The following SCP2 variants were observed in gnomAD, a reference collection of about 807,000 sequenced individuals.
SCP2 encodes sterol carrier protein 2, also known as SCP-2/3-oxoacyl-CoA thiolase.
In SCP2, 48 loss-of-function variants were observed where a neutral mutation model predicts 71.4. That is an observed-to-expected ratio of 0.67 (90% CI 0.53 to 0.86). The LOEUF is 0.86. Among genes scored for constraint, SCP2 ranks in the 40% least tolerant of loss-of-function variants. The probability of loss-of-function intolerance (pLI) is 0.00; values close to 1 mark genes in which losing one functional copy is unlikely to be tolerated. For missense variants in SCP2, 560 were observed against 655.6 expected (o/e 0.85, Z 1.59); for synonymous variants, 220 against 218.1 (o/e 1.01, Z -0.08).
chr1:52,971,211 C>A (rs1013950680), intron 6 of SCP2, among the ~76,000 whole-genome samples: 1 of 152,052 alleles, frequency 6.6e-6, no homozygotes, highest in East Asian at 1.9e-4. Context: ...ATCCCGACCT[C>A]GTGATCCACC....
At chr1:52,982,657 T>C (rs1658640377) in intron 10 of SCP2, among the ~76,000 whole-genome samples, 1 of 152,220 alleles carries the variant, frequency 6.6e-6, no homozygotes, top group Non-Finnish European at 1.5e-5. Context: ...TCCTTTGAGT[T>C]AATATTGTAC....
Position 52,949,722 on chromosome 1 carries a change from C to T in SCP2, c.200-1033C>T, listed in dbSNP as rs181834791. Among the ~76,000 whole-genome samples the T allele has an allele frequency of 3.4e-3, 516 of 152,336 alleles. 2 individuals carry two copies. The highest frequency in any genetic ancestry group is 0.012 in the African/African-American group (493 of 41,576). ...AACACCTTCAAATAAGGAAGAGGAA[C>T]AGGCTATGACTTAATGCTTGCTTGG... On this transcript the variant is annotated intron_variant, in intron 3 of 15. Transcript: ENST00000371514.
chr1:53,023,652 G>A (rs903435567), intron 12 of SCP2, among the ~76,000 whole-genome samples: 3 of 152,136 alleles, frequency 2.0e-5, no homozygotes, highest in Non-Finnish European at 4.4e-5. Context: ...GGGTCTCGAA[G>A]GGAGAAATGG....
intron 2 of SCP2, among the ~76,000 whole-genome samples, chr1:52,944,592 T>C (rs1344562339): frequency 1.3e-5 from 2 of 152,186 alleles, no homozygotes; most frequent in African/African-American, 4.8e-5. Flanking sequence ...GCTTTCTCTA[T>C]ATTTTTTGAC....
At chr1:53,016,323 C>T (rs186576734) in intron 12 of SCP2, among the ~76,000 whole-genome samples, 3 of 152,212 alleles carry the variant, frequency 2.0e-5, no homozygotes, top group East Asian at 1.9e-4. Context: ...GCACTGTATC[C>T]GGTTTTTAAT....
chr1:53,026,954 T>C (rs1481787774), intron 12 of SCP2, among the ~76,000 whole-genome samples: 2 of 151,324 alleles, frequency 1.3e-5, no homozygotes, highest in Non-Finnish European at 3.0e-5. Context: ...TTTTTTTTTT[T>C]TTTTGACAGG....
At chr1:52,946,985 TG>T (rs908097999) in intron 2 of SCP2, among the ~76,000 whole-genome samples, 3 of 139,854 alleles carry the variant, frequency 2.1e-5, no homozygotes, top group Admixed American at 1.5e-4. Flanking sequence ...CACTTGAACC[TG>T]GGAGGTGGAG....
At chr1:52,929,376 CAG>C (rs1257998703) in intron 1 of SCP2, among the ~76,000 whole-genome samples, 1 of 151,886 alleles carries the variant, frequency 6.6e-6, no homozygotes, top group African/African-American at 2.4e-5. Flanking sequence ...TTTGTAGAGA[CAG>C]GGTCTCACTA....
At chr1:52,965,545 T>C (rs1237749977) in intron 6 of SCP2, among the ~76,000 whole-genome samples, 3 of 152,194 alleles carry the variant, frequency 2.0e-5, no homozygotes. Flanking sequence ...TTTAATTCCT[T>C]TAATCATCCT....
chr1:52,951,555 T>TAAA (rs563183018), intron 4 of SCP2, among the ~76,000 whole-genome samples: 6 of 72,586 alleles, frequency 8.3e-5, no homozygotes, highest in African/African-American at 2.8e-4. Context: ...AGACTGTCTC[T>TAAA]AAAAAAAAAA....
At chr1:52,934,087 T>C (rs1005924303) in intron 1 of SCP2, among the ~76,000 whole-genome samples, 1 of 152,234 alleles carries the variant, frequency 6.6e-6, no homozygotes, top group Non-Finnish European at 1.5e-5. Flanking sequence ...CTAAACCAAC[T>C]ACTTTTTTTC....
chr1:52,945,802 T>C (rs1053277612), intron 2 of SCP2, among the ~76,000 whole-genome samples: 7 of 151,834 alleles, frequency 4.6e-5, no homozygotes, highest in African/African-American at 1.7e-4. Context: ...AAGTTTTTGA[T>C]ATTTTAGAAA....
intron 12 of SCP2, among the ~76,000 whole-genome samples, chr1:53,018,099 C>A (rs1318732287): frequency 6.6e-6 from 1 of 152,170 alleles, no homozygotes; most frequent in Non-Finnish European, 1.5e-5. Context: ...AGGTAATCCA[C>A]CTGCCTCTGC....
intron 11 of SCP2, among the ~76,000 whole-genome samples, chr1:53,007,393 C>G (rs1660705500): frequency 2.0e-5 from 3 of 152,126 alleles, no homozygotes; most frequent in Admixed American, 1.3e-4. Context: ...CACTCCTCAG[C>G]AAATGTAAAA....
chr1:53,004,959 G>A (rs1020785516), intron 11 of SCP2, among the ~76,000 whole-genome samples: 2 of 152,180 alleles, frequency 1.3e-5, no homozygotes, highest in African/African-American at 4.8e-5. Flanking sequence ...TTAGCAAATG[G>A]CACACCAGGA....
chr1:52,998,216 G>C (rs6701670), intron 11 of SCP2, among the ~76,000 whole-genome samples: 3 of 152,158 alleles, frequency 2.0e-5, no homozygotes, highest in Non-Finnish European at 4.4e-5. Context: ...TTGTATACAA[G>C]TCTATTTGGA....
chr1:52,975,468 G>GCACC (rs900524025), intron 7 of SCP2, among the ~76,000 whole-genome samples: 1 of 151,192 alleles, frequency 6.6e-6, no homozygotes, highest in Non-Finnish European at 1.5e-5. Context: ...GTGAGCCACC[G>GCACC]CACCCAGCCT....
At chr1:52,928,768 G>T (rs963793604) in intron 1 of SCP2, 1 of 154,382 alleles carries the variant, frequency 6.5e-6, no homozygotes, top group African/African-American at 2.4e-5. Context: ...GTCAGTCCTT[G>T]TCTCAACAAA....
At chr1:53,016,068 T>C (rs1001619308) in intron 12 of SCP2, among the ~76,000 whole-genome samples, 1 of 152,154 alleles carries the variant, frequency 6.6e-6, no homozygotes, top group Non-Finnish European at 1.5e-5. Context: ...CTTTAAGTTG[T>C]AGGGTTCATG....
Sources: allele counts gnomAD v4.1 joint callset (sites outside exome capture counted in the v4.1 genomes callset), GRCh38; gene constraint gnomAD v4.1.1; transcripts MANE v1.5; gene names NCBI Gene and HGNC (gene_info 2026-07-23, HGNC 2026-07-21).